AMN1: variants seen among roughly 807,000 people sequenced by gnomAD.
AMN1 encodes antagonist of mitotic exit network 1 homolog.
Under a neutral mutation model 33.0 loss-of-function variants are expected in AMN1, and 20 were observed. The observed-to-expected ratio is 0.61, with a 90% CI of 0.43 to 0.88. AMN1 has a LOEUF of 0.88. AMN1 is among the 40% of genes least tolerant of loss of function. The pLI is 0.00. For synonymous variants in AMN1, 114 were observed against 111.9 expected (o/e 1.02, Z -0.12); for missense variants, 246 against 307.4 (o/e 0.80, Z 1.49).
At chr12:31,724,583 G>T (rs562101616) in intron 1 of AMN1, among the ~76,000 whole-genome samples, 1 of 152,004 alleles carries the variant, frequency 6.6e-6, no homozygotes, top group African/African-American at 2.4e-5. Context: ...TGAAACTGCC[G>T]AAACAAAACA....
intron 4 of AMN1, 64 bp downstream of exon 4, chr12:31,697,676 T>C (rs769427717): frequency 1.9e-5 from 28 of 1,504,316 alleles, no homozygotes; most frequent in Admixed American, 5.1e-5. Context: ...TATGTTCTCA[T>C]TAGTCATGAA....
chr12:31,694,358 C>T lies in AMN1; in HGVS notation c.591+3003G>A, dbSNP rs930557467. ...TTGGGAGGCTGAGGCAGAAGAATTG[C>T]TTGTACCTGGGAGACGGAGGTTGCA... On this transcript the variant is annotated intron_variant, in intron 5 of 6. Coordinates refer to ENST00000281471, the MANE Select transcript of AMN1 (RefSeq NM_001113402.2). 3.3e-5 allele frequency among the ~76,000 whole-genome samples: 5 copies of T among 149,420 alleles called. No homozygotes were observed. In the South Asian group the frequency reaches 8.4e-4, roughly 25 times the overall value.
At chr12:31,721,640 C>T (rs1026880519) in intron 1 of AMN1, among the ~76,000 whole-genome samples, 1 of 152,196 alleles carries the variant, frequency 6.6e-6, no homozygotes, top group Admixed American at 6.5e-5. Flanking sequence ...CCAATATCTG[C>T]CTTAGTCAAC....
chr12:31,722,353 A>C (rs1160668716), intron 1 of AMN1, among the ~76,000 whole-genome samples: 1 of 152,224 alleles, frequency 6.6e-6, no homozygotes. Context: ...GTTGCTCAAC[A>C]ATGAGCCAAT....
chr12:31,685,841 C>A (rs1413922397), intron 6 of AMN1, among the ~76,000 whole-genome samples: 1 of 148,666 alleles, frequency 6.7e-6, no homozygotes, highest in Non-Finnish European at 1.5e-5. Context: ...GAATGCTCAA[C>A]CGCATTTGTT....
chr12:31,723,027 G>T (rs1359597083), intron 1 of AMN1, among the ~76,000 whole-genome samples: 2 of 152,038 alleles, frequency 1.3e-5, no homozygotes, highest in African/African-American at 4.8e-5. Flanking sequence ...GTGTGGTAGT[G>T]CATGCCTGTA....
At position 31,728,490 on chromosome 12, in the gene AMN1, T is replaced by C. The variant is rs115121619; in HGVS notation, c.38+481A>G. 4.0e-3 allele frequency among the ~76,000 whole-genome samples: 614 copies of C among 152,350 alleles called. 9 individuals carry two copies. Among genetic ancestry groups the C allele is most frequent in the African/African-American group, 0.014 (594 of 41,580 alleles). ...GGTCCATGGTCACGTGGCTGGTGAATGGCAGAGCCGGGGGCTGAACCCAGC... is the reference window on the plus strand; with the variant it reads ...GGTCCATGGTCACGTGGCTGGTGAACGGCAGAGCCGGGGGCTGAACCCAGC... On this transcript the variant is annotated intron_variant, in intron 1 of 6. Transcript: ENST00000281471.
In AMN1 at chr12:31,701,975, T is replaced by C; in HGVS notation, c.204A>G (p.Leu68=). ...CAGCATCTGATATATCGCAGCTCCG[T>C]AGATCTAGAGTTTGGACTTCAGGAT... ...ILHPEVQTLD[L]RSCDISDAAL... Residue 68 remains leucine (L), a synonymous_variant, in exon 3 of 7, where the codon CTA becomes CTG. Transcript: ENST00000281471. 3.1e-6 allele frequency: 5 copies of C among 1,606,980 alleles called. No homozygotes were observed. Among genetic ancestry groups the C allele is most frequent in the Non-Finnish European group, 2.5e-6 (3 of 1,178,024 alleles).
chr12:31,710,735 T>C (rs1175923412), intron 1 of AMN1, among the ~76,000 whole-genome samples: 1 of 152,204 alleles, frequency 6.6e-6, no homozygotes, highest in Non-Finnish European at 1.5e-5. Context: ...GGTCACATCA[T>C]ATTTCACAGT....
rs1383558441 is a variant in AMN1, at chr12:31,683,853, T to C, written c.703+5154A>G. On this transcript the variant is annotated intron_variant, in intron 6 of 6. Coordinates refer to ENST00000281471, the MANE Select transcript of AMN1 (RefSeq NM_001113402.2). The surrounding 1 kb of genome is among the most constrained non-coding windows in gnomAD (Gnocchi z 4.1). ...TTATTTGAGTACTTGGCAGACTATTTCATGAAAATAGAAGAAATGAGGCTG... is the reference window on the plus strand; with the variant it reads ...TTATTTGAGTACTTGGCAGACTATTCCATGAAAATAGAAGAAATGAGGCTG... Among the ~76,000 whole-genome samples, 1 of 152,178 alleles carries C rather than the reference T, an allele frequency of 6.6e-6. No individual in the cohort carries two copies. Among genetic ancestry groups the C allele is most frequent in the Non-Finnish European group, 1.5e-5 (1 of 68,040 alleles).
At chr12:31,720,594 T>C (rs973360304) in intron 1 of AMN1, among the ~76,000 whole-genome samples, 1 of 151,570 alleles carries the variant, frequency 6.6e-6, no homozygotes, top group Non-Finnish European at 1.5e-5. Flanking sequence ...CAAATACCAA[T>C]TATGGGTTGT....
chr12:31,688,421 T>C (rs1451215590), intron 6 of AMN1, among the ~76,000 whole-genome samples: 2 of 152,216 alleles, frequency 1.3e-5, no homozygotes, highest in South Asian at 4.1e-4. Context: ...ATAGGTAACA[T>C]TTATTGAGCA....
At chr12:31,710,585 C>T (rs1435482177) in intron 1 of AMN1, among the ~76,000 whole-genome samples, 1 of 146,560 alleles carries the variant, frequency 6.8e-6, no homozygotes, top group Admixed American at 6.8e-5. Flanking sequence ...CACACACACA[C>T]ATTTAAAGGC....
intron 1 of AMN1, among the ~76,000 whole-genome samples, chr12:31,711,855 G>A (rs560501988): frequency 4.0e-5 from 6 of 151,812 alleles, no homozygotes; most frequent in Middle Eastern, 3.4e-3. Context: ...TCTCTATGCC[G>A]CCATCCCCTG....
rs1951282386 is a variant in AMN1 at position 31,672,016 on chromosome 12, AAGAAACAG to A, written c.*280_*287del. On this transcript the variant is annotated 3_prime_UTR_variant, in exon 7 of 7. Coordinates refer to ENST00000281471, the MANE Select transcript of AMN1 (RefSeq NM_001113402.2). ...AAAACAGTTAATTTTAAAGTTATTT[AAGAAACAG>A]AATCCAACACCATAGATCAGAGTTC... 3.9e-6 allele frequency: 1 copy of A among 253,454 alleles called. No individual in the cohort carries two copies. Among genetic ancestry groups the A allele is most frequent in the Non-Finnish European group, 7.5e-6 (1 of 133,446 alleles). 15.7% of individuals were successfully genotyped at this position (253,454 alleles called of 1,614,324 possible).
rs549225629 is a variant in AMN1, at chr12:31,726,322, C to T, written c.38+2649G>A. Among the ~76,000 whole-genome samples the T allele has an allele frequency of 8.6e-4, 131 of 151,822 alleles. 2 individuals carry two copies. Among genetic ancestry groups the T allele is most frequent in the Admixed American group, 2.0e-3 (30 of 15,248 alleles). On this transcript the variant is annotated intron_variant, in intron 1 of 6. Coordinates refer to ENST00000281471, the MANE Select transcript of AMN1 (RefSeq NM_001113402.2). ...GATTACAGGCATGCACCACCACGGC[C>T]GGCTAATTTTGTATTTTTAGTAGAG... is the stretch of plus-strand genomic sequence containing the variant.
chr12:31,677,056 T>C (rs1237303297), intron 6 of AMN1, among the ~76,000 whole-genome samples: 2 of 151,052 alleles, frequency 1.3e-5, no homozygotes, highest in Non-Finnish European at 2.9e-5. Context: ...CCCAGCACTT[T>C]GGGAGGACGA....
chr12:31,704,092 G>GTAAA (rs1459537606), intron 2 of AMN1, among the ~76,000 whole-genome samples: 1 of 152,158 alleles, frequency 6.6e-6, no homozygotes, highest in Non-Finnish European at 1.5e-5. Flanking sequence ...TCTACAGGAA[G>GTAAA]TAAATTGTTG....
At position 31,701,966 on chromosome 12, in the gene AMN1, G is replaced by A. The variant is rs370799416; in HGVS notation, c.213C>T (p.Cys71=). The change falls in exon 3 of 7, where the codon TGC becomes TGT. Residue 71 remains cysteine, a synonymous_variant. Transcript: ENST00000281471. ...GCAGGAGAGCAGCATCTGATATATC[G>A]CAGCTCCGTAGATCTAGAGTTTGGA... is the stretch of plus-strand genomic sequence containing the variant. ...PEVQTLDLRS[C]DISDAALLHL... 19 of 1,608,072 alleles carry A rather than the reference G, an allele frequency of 1.2e-5. No homozygotes were observed. The highest frequency in any genetic ancestry group is 6.7e-5 in the African/African-American group (5 of 74,612).
Sources: gnomAD v4.1 joint callset for allele counts (sites outside exome capture counted in the v4.1 genomes callset) on GRCh38, gnomAD v4.1.1 for gene constraint, Gnocchi (gnomAD v3.1) non-coding constraint, MANE v1.5 for transcripts, NCBI Gene and HGNC (gene_info 2026-07-23, HGNC 2026-07-21) for gene names.